APOOL: variants seen among roughly 807,000 people sequenced by gnomAD.
The protein encoded by APOOL is MICOS complex subunit MIC27.
In APOOL, 12 loss-of-function variants were observed where a neutral mutation model predicts 23.1. The ratio of observed to expected loss-of-function variants is 0.52; its 90% CI spans 0.33 to 0.84. The LOEUF (loss-of-function observed/expected upper bound fraction) is 0.84, where lower values mean the gene tolerates loss of function less well. APOOL is among the 40% of genes least tolerant of loss of function. APOOL has a pLI of 0.02. For synonymous variants in APOOL, 77 were observed against 69.9 expected, an observed-to-expected ratio of 1.10 and a Z score of -0.51; for missense variants, 212 against 199.6, an observed-to-expected ratio of 1.06 and a Z score of -0.37.
rs145636128 is a variant in APOOL, at chrX:85,039,580, T to C, written c.16-6866T>C. Among the ~76,000 whole-genome samples the C allele has an allele frequency of 5.0e-3, 560 of 111,895 alleles. 4 individuals carry two copies. Among genetic ancestry groups the C allele is most frequent in the African/African-American group, 0.017 (528 of 30,830 alleles). ...TATCTAAGAACTAGAACTTACTTTA[T>C]GAATCTGGGCACTCCAGTATTGGGT... is the stretch of plus-strand genomic sequence containing the variant. On this transcript the variant is annotated intron_variant, in intron 1 of 8. Transcript: ENST00000373173.
At chrX:85,024,218 T>C (rs1322747033) in intron 1 of APOOL, among the ~76,000 whole-genome samples, 1 of 111,809 alleles carries the variant, frequency 8.9e-6, no homozygotes, top group Non-Finnish European at 1.9e-5. Flanking sequence ...GCTTGGAGAG[T>C]GCTTTCACAG....
intron 5 of APOOL, among the ~76,000 whole-genome samples, chrX:85,062,543 T>C (rs868444950): frequency 8.9e-6 from 1 of 112,069 alleles, no homozygotes; most frequent in African/African-American, 3.2e-5. Context: ...TTACTTTTTG[T>C]ATAAGGTGTA....
chrX:85,005,396 C>CA (rs1478310905), intron 1 of APOOL, among the ~76,000 whole-genome samples: 1 of 18,227 alleles, frequency 5.5e-5, no homozygotes, highest in Non-Finnish European at 1.3e-4. Flanking sequence ...CGTGATTCAC[C>CA]CCCCCCCCCC....
At chrX:85,006,443 C>A (rs1299264964) in intron 1 of APOOL, among the ~76,000 whole-genome samples, 1 of 110,469 alleles carries the variant, frequency 9.1e-6, no homozygotes, top group Non-Finnish European at 1.9e-5. Context: ...TCCACTCCTC[C>A]TTGCTTCCTC....
At chrX:85,049,573 C>T (rs1602764944) in intron 2 of APOOL, among the ~76,000 whole-genome samples, 1 of 111,083 alleles carries the variant, frequency 9.0e-6, no homozygotes. Flanking sequence ...TGCTTGAGCT[C>T]AAGAATTGGA....
intron 6 of APOOL, among the ~76,000 whole-genome samples, chrX:85,072,364 A>G (rs1340373136): frequency 9.0e-6 from 1 of 111,394 alleles, no homozygotes; most frequent in African/African-American, 3.3e-5. Flanking sequence ...AAACAGACAT[A>G]TACTCTTGGT....
intron 1 of APOOL, among the ~76,000 whole-genome samples, chrX:85,042,505 G>T (rs948109031): frequency 8.9e-6 from 1 of 111,929 alleles, no homozygotes; most frequent in Non-Finnish European, 1.9e-5. Flanking sequence ...TTCACTGCTG[G>T]ATTTTACCAA....
intron 1 of APOOL, among the ~76,000 whole-genome samples, chrX:85,005,724 A>G (rs1346170952): frequency 9.0e-6 from 1 of 110,620 alleles, no homozygotes; most frequent in African/African-American, 3.4e-5. Context: ...TGGTGGAGAT[A>G]TAACACATAT....
At chrX:85,053,080 C>T (rs973193677) in intron 3 of APOOL, among the ~76,000 whole-genome samples, 18 of 111,383 alleles carry the variant, frequency 1.6e-4, no homozygotes, top group African/African-American at 5.9e-4. Context: ...GACTCAAATT[C>T]GTTCCACATT....
intron 1 of APOOL, among the ~76,000 whole-genome samples, chrX:85,004,770 A>T (rs2042793723): frequency 9.0e-6 from 1 of 111,502 alleles, no homozygotes; most frequent in African/African-American, 3.3e-5. Flanking sequence ...TTGCCAGAGT[A>T]CATCTACCAA....
At position 85,092,752 on chromosome X, in the gene APOOL, C is replaced by T; in HGVS notation, c.*5074C>T. The T allele has an allele frequency of 2.5e-6, 1 of 400,306 alleles. No homozygotes were observed. Among genetic ancestry groups the T allele is most frequent in the South Asian group, 7.2e-5 (1 of 13,875 alleles). 33.0% of individuals were successfully genotyped at this position (400,306 alleles called of 1,213,427 possible). Reference sequence around the variant, plus strand: ...AGTCTCACTGTTCTGAGCTTTAAAGCCCTCTTTAAAATCTCAAAACTGATT... The same window carrying T: ...AGTCTCACTGTTCTGAGCTTTAAAGTCCTCTTTAAAATCTCAAAACTGATT... On this transcript the variant is annotated 3_prime_UTR_variant, in exon 9 of 9. Transcript: ENST00000373173.
At chrX:85,036,506 G>A (rs1404495679) in intron 1 of APOOL, among the ~76,000 whole-genome samples, 1 of 110,627 alleles carries the variant, frequency 9.0e-6, no homozygotes, top group Non-Finnish European at 1.9e-5. Flanking sequence ...GTACTATATT[G>A]ACTAGGCATG....
intron 8 of APOOL, among the ~76,000 whole-genome samples, chrX:85,078,929 C>T (rs957178193): frequency 1.8e-5 from 2 of 111,538 alleles, no homozygotes; most frequent in South Asian, 3.8e-4. Flanking sequence ...GTGATTTTTG[C>T]ACATTGATTT....
At chrX:85,053,444 T>G (rs1255359114) in intron 3 of APOOL, among the ~76,000 whole-genome samples, 1 of 111,658 alleles carries the variant, frequency 9.0e-6, no homozygotes, top group African/African-American at 3.2e-5. Flanking sequence ...CCAAGCTATC[T>G]CTATAACAAA....
chrX:85,086,862 G>T (rs1166333292), intron 8 of APOOL, among the ~76,000 whole-genome samples: 1 of 91,640 alleles, frequency 1.1e-5, no homozygotes, highest in Non-Finnish European at 2.1e-5. Flanking sequence ...AACACGCCCG[G>T]CTAATTTTTT....
intron 1 of APOOL, among the ~76,000 whole-genome samples, chrX:85,040,281 G>A (rs189819071): frequency 8.9e-6 from 1 of 111,911 alleles, no homozygotes; most frequent in Non-Finnish European, 1.9e-5. Context: ...TAGCCTGATG[G>A]AACTCCCTTT....
At chrX:85,027,341 A>G (rs1351193026) in intron 1 of APOOL, among the ~76,000 whole-genome samples, 2 of 111,100 alleles carry the variant, frequency 1.8e-5, no homozygotes, top group Non-Finnish European at 3.8e-5. Context: ...GCCAGCCCCC[A>G]CTTCCTATAT....
intron 2 of APOOL, among the ~76,000 whole-genome samples, chrX:85,049,161 A>T (rs1017485344): frequency 1.8e-5 from 2 of 111,858 alleles, no homozygotes; most frequent in Admixed American, 1.9e-4. Flanking sequence ...ACTCAATGTA[A>T]TCATAATTTC....
chrX:85,068,602 C>CACCAGGCTG (rs1273658316), intron 6 of APOOL, among the ~76,000 whole-genome samples: 2 of 108,543 alleles, frequency 1.8e-5, no homozygotes, highest in African/African-American at 6.8e-5. Context: ...GATGGGGTTT[C>CACCAGGCTG]ACCAGGCTGG....
Sources: gnomAD v4.1 joint callset for allele counts (sites outside exome capture counted in the v4.1 genomes callset) on GRCh38, gnomAD v4.1.1 for gene constraint, MANE v1.5 for transcripts, NCBI Gene and HGNC (gene_info 2026-07-23, HGNC 2026-07-21) for gene names.